The following ZFP1 variants were observed in gnomAD, a reference collection of about 807,000 sequenced individuals.
The protein encoded by ZFP1 is zinc finger protein 1 homolog.
In ZFP1, 32 loss-of-function variants were observed where a neutral mutation model predicts 38.5. That is an observed-to-expected ratio of 0.83 (90% CI 0.63 to 1.12). The LOEUF is 1.12. Among genes scored for constraint, ZFP1 ranks in the 50% most tolerant of loss-of-function variants. The pLI is 0.00. For synonymous variants in ZFP1, 245 were observed against 168.8 expected (o/e 1.45, Z -3.50); for missense variants, 616 against 480.8 (o/e 1.28, Z -2.63).
At chr16:75,150,472 G>C (rs1178802811) in intron 1 of ZFP1, among the ~76,000 whole-genome samples, 1 of 152,146 alleles carries the variant, frequency 6.6e-6, no homozygotes, top group Non-Finnish European at 1.5e-5. Flanking sequence ...ACCTGCCTCG[G>C]CCTTGCAAAG....
chr16:75,123,455 G>GTATGTATGTA, the ZFP1 span, among the ~76,000 whole-genome samples: 4 of 87,290 alleles, frequency 4.6e-5, no homozygotes, highest in Non-Finnish European at 8.5e-5. Flanking sequence ...GTGTGTATAT[G>GTATGTATGTA]TATATATATA....
At chr16:75,160,323 A>G (rs2037700126) in intron 2 of ZFP1, among the ~76,000 whole-genome samples, 1 of 152,130 alleles carries the variant, frequency 6.6e-6, no homozygotes, top group Non-Finnish European at 1.5e-5. Flanking sequence ...CCTTGAGGGC[A>G]GGAGTTTGAG....
At chr16:75,167,223 A>C (rs1013327324) in intron 3 of ZFP1, among the ~76,000 whole-genome samples, 4 of 152,158 alleles carry the variant, frequency 2.6e-5, no homozygotes, top group African/African-American at 9.7e-5. Flanking sequence ...AGAGAGGGAG[A>C]AGCAGAAGCC....
At chr16:75,129,953 C>T in the ZFP1 span, among the ~76,000 whole-genome samples, 1 of 152,140 alleles carries the variant, frequency 6.6e-6, no homozygotes, top group Admixed American at 6.5e-5. Context: ...AAGAGGGCAA[C>T]TTGAAAGACA....
chr16:75,127,538 C>G, the ZFP1 span, among the ~76,000 whole-genome samples: 2 of 152,244 alleles, frequency 1.3e-5, no homozygotes, highest in Non-Finnish European at 2.9e-5. Flanking sequence ...CCAGGCTGGT[C>G]TTGAACTCCT....
At chr16:75,166,677 T>C (rs917478204) in intron 2 of ZFP1, 93 bp from the exon 3 acceptor site, 2 of 1,599,444 alleles carry the variant, frequency 1.3e-6, no homozygotes, top group Non-Finnish European at 1.7e-6. Flanking sequence ...GTGTAATATA[T>C]AGATTTTCAT....
chr16:75,132,652 C>CT, the ZFP1 span: 13,838 of 104,304 alleles, frequency 0.13, 1,632 homozygotes, highest in East Asian at 0.54. Context: ...CATTTCATTT[C>CT]TTTTTTTTTT....
chr16:75,139,494 C>A, the ZFP1 span, among the ~76,000 whole-genome samples: 1 of 151,670 alleles, frequency 6.6e-6, no homozygotes, highest in Non-Finnish European at 1.5e-5. Flanking sequence ...GAGTTTGAGA[C>A]CAGCCTGGGC....
chr16:75,155,349 A>G (rs999031232), intron 2 of ZFP1, among the ~76,000 whole-genome samples: 2 of 152,156 alleles, frequency 1.3e-5, no homozygotes, highest in African/African-American at 4.8e-5. Context: ...GCTCAGGCTC[A>G]TCTTGAACTC....
chr16:75,163,002 T>C (rs1281573016), intron 2 of ZFP1, among the ~76,000 whole-genome samples: 1 of 151,512 alleles, frequency 6.6e-6, no homozygotes, highest in African/African-American at 2.4e-5. Context: ...CTCCGCCTCC[T>C]GGGTTCAAGC....
intron 2 of ZFP1, among the ~76,000 whole-genome samples, chr16:75,162,489 C>A (rs1376642629): frequency 6.6e-6 from 1 of 152,086 alleles, no homozygotes; most frequent in East Asian, 1.9e-4. Flanking sequence ...TTTGACGTTT[C>A]CATGTATTGT....
chr16:75,123,455 G>GTATATGTGTA, the ZFP1 span, among the ~76,000 whole-genome samples: 3 of 87,298 alleles, frequency 3.4e-5, no homozygotes, highest in South Asian at 1.2e-3. Flanking sequence ...GTGTGTATAT[G>GTATATGTGTA]TATATATATA....
At chr16:75,159,613 C>T (rs553562473) in intron 2 of ZFP1, among the ~76,000 whole-genome samples, 1 of 151,512 alleles carries the variant, frequency 6.6e-6, no homozygotes, top group Admixed American at 6.6e-5. Context: ...GGTATATTGC[C>T]CAAGCTGGTC....
At chr16:75,160,032 C>T (rs1247706869) in intron 2 of ZFP1, among the ~76,000 whole-genome samples, 1 of 152,192 alleles carries the variant, frequency 6.6e-6, no homozygotes, top group Non-Finnish European at 1.5e-5. Context: ...CTAGTCAGCT[C>T]TCAGTCTCAC....
chr16:75,119,827 C>T, the ZFP1 span, among the ~76,000 whole-genome samples: 37 of 152,020 alleles, frequency 2.4e-4, no homozygotes, highest in East Asian at 1.4e-3. Flanking sequence ...GGGAACAAGG[C>T]CTCTGAAGTG....
chr16:75,144,194 G>A (rs1330726307), upstream of ZFP1: 3 of 152,258 alleles, frequency 2.0e-5, no homozygotes, highest in South Asian at 4.1e-4. Context: ...GGCGGTAAGG[G>A]GAATTTATCT....
intron 1 of ZFP1, among the ~76,000 whole-genome samples, chr16:75,150,541 T>A (rs1482892353): frequency 6.6e-6 from 1 of 152,080 alleles, no homozygotes; most frequent in Non-Finnish European, 1.5e-5. Flanking sequence ...TATTATTGAT[T>A]TATAGTTTAA....
At chr16:75,156,736 C>T (rs913277502) in intron 2 of ZFP1, among the ~76,000 whole-genome samples, 5 of 152,202 alleles carry the variant, frequency 3.3e-5, no homozygotes, top group East Asian at 3.8e-4. Context: ...TCTTGGTTCA[C>T]TGGTGAATAG....
chr16:75,150,207 A>AT (rs1212825562), intron 1 of ZFP1, among the ~76,000 whole-genome samples: 3 of 110,716 alleles, frequency 2.7e-5, no homozygotes, highest in African/African-American at 3.6e-5. Flanking sequence ...GATTTTCCAG[A>AT]TCTTTTTTTT....
Sources: allele counts gnomAD v4.1 joint callset (sites outside exome capture counted in the v4.1 genomes callset), GRCh38; gene constraint gnomAD v4.1.1; transcripts MANE v1.5; gene names NCBI Gene and HGNC (gene_info 2026-07-23, HGNC 2026-07-21).